The following CNKSR2 variants were observed in gnomAD, a reference collection of about 807,000 sequenced individuals.
CNKSR2 encodes the protein connector enhancer of kinase suppressor of Ras 2.
In CNKSR2, 14 loss-of-function variants were observed where a neutral mutation model predicts 84.4. The ratio of observed to expected loss-of-function variants is 0.17; its 90% CI spans 0.11 to 0.26. The LOEUF is 0.26. Ranked by LOEUF, CNKSR2 falls within the 10% of genes least tolerant of loss-of-function variation. CNKSR2 has a pLI of 1.00. For missense variants in CNKSR2, 485 were observed against 771.2 expected (o/e 0.63, Z 4.40); for synonymous variants, 275 against 277.9 (o/e 0.99, Z 0.10).
At chrX:21,485,750 T>C (rs1451974638) in intron 5 of CNKSR2, among the ~76,000 whole-genome samples, 1 of 112,159 alleles carries the variant, frequency 8.9e-6, no homozygotes, top group African/African-American at 3.2e-5. Flanking sequence ...TCATGTTCTC[T>C]GTAGCTTTTT....
intron 2 of CNKSR2, chrX:21,429,131 A>C (rs759960332): frequency 1.8e-5 from 2 of 112,189 alleles, no homozygotes; most frequent in Non-Finnish European, 3.8e-5. Flanking sequence ...TTTTGCATGC[A>C]TATGATTGAA....
intron 20 of CNKSR2, among the ~76,000 whole-genome samples, chrX:21,630,937 C>T (rs1020444062): frequency 7.2e-5 from 8 of 111,154 alleles, no homozygotes; most frequent in African/African-American, 1.3e-4. Context: ...AACAGTGAAA[C>T]GAGTCCACCA....
At chrX:21,470,853 CT>C in intron 5 of CNKSR2, 46 bp downstream of exon 5, 1 of 722,261 alleles carries the variant, frequency 1.4e-6, no homozygotes, top group Non-Finnish European at 2.0e-6. Flanking sequence ...AGGATATTTC[CT>C]TGTTCAACTA....
chrX:21,392,312 C>T (rs1047882726), intron 1 of CNKSR2, among the ~76,000 whole-genome samples: 5 of 111,597 alleles, frequency 4.5e-5, no homozygotes, highest in East Asian at 2.8e-4. Context: ...TGTGTTAGTC[C>T]GTTCTCACGT....
At chrX:21,479,536 A>C (rs947225411) in intron 5 of CNKSR2, among the ~76,000 whole-genome samples, 1 of 111,653 alleles carries the variant, frequency 9.0e-6, no homozygotes, top group African/African-American at 3.3e-5. Flanking sequence ...GTCTGGAAAC[A>C]GAAGCCACAC....
chrX:21,431,688 T>C (rs2090635700), intron 2 of CNKSR2, among the ~76,000 whole-genome samples: 1 of 112,114 alleles, frequency 8.9e-6, no homozygotes, highest in South Asian at 3.7e-4. Flanking sequence ...CACAATTAGC[T>C]GCTTTACATT....
At chrX:21,587,847 G>A (rs997343588) in intron 13 of CNKSR2, among the ~76,000 whole-genome samples, 2 of 111,898 alleles carry the variant, frequency 1.8e-5, no homozygotes, top group Admixed American at 1.9e-4. Flanking sequence ...TACATGTTCA[G>A]TGATTTGCTA....
intron 8 of CNKSR2, chrX:21,506,400 AGTG>A (rs1302894710): frequency 9.0e-6 from 1 of 111,497 alleles, no homozygotes; most frequent in African/African-American, 3.3e-5. Flanking sequence ...TACCTTATGT[AGTG>A]GTTTATGAGA....
chrX:21,642,163 C>T (rs759599190), intron 20 of CNKSR2: 1 of 744,402 alleles, frequency 1.3e-6, no homozygotes, highest in South Asian at 6.9e-5. Flanking sequence ...AAGGTATACA[C>T]AATTTGCTTT....
At chrX:21,401,121 C>A (rs756058247) in intron 1 of CNKSR2, among the ~76,000 whole-genome samples, 1 of 110,701 alleles carries the variant, frequency 9.0e-6, no homozygotes, top group South Asian at 3.8e-4. Context: ...AATAGGATTT[C>A]TATTATAAGC....
chrX:21,553,114 A>G (rs964933735), intron 11 of CNKSR2, among the ~76,000 whole-genome samples: 1 of 111,865 alleles, frequency 8.9e-6, no homozygotes, highest in African/African-American at 3.2e-5. Flanking sequence ...ACATAGCCTT[A>G]GTATTTTGCA....
intron 1 of CNKSR2, among the ~76,000 whole-genome samples, chrX:21,422,738 G>T (rs761845374): frequency 9.0e-6 from 1 of 111,364 alleles, no homozygotes; most frequent in African/African-American, 3.3e-5. Flanking sequence ...TGACTTTAGT[G>T]TCAAAAATGG....
At chrX:21,411,637 T>A (rs957215530) in intron 1 of CNKSR2, among the ~76,000 whole-genome samples, 1 of 110,823 alleles carries the variant, frequency 9.0e-6, no homozygotes, top group Admixed American at 9.6e-5. Context: ...CTTTCCTCCC[T>A]CTTTGGCTAG....
chrX:21,384,107 T>C (rs2089936516), intron 1 of CNKSR2, among the ~76,000 whole-genome samples: 1 of 112,047 alleles, frequency 8.9e-6, no homozygotes. Context: ...ATTAAATACA[T>C]ATAACAGAGA....
chrX:21,488,086 C>T (rs1288142105), intron 5 of CNKSR2, among the ~76,000 whole-genome samples: 1 of 111,876 alleles, frequency 8.9e-6, no homozygotes, highest in African/African-American at 3.2e-5. Context: ...AGCATTGAGA[C>T]CTGAGCGTCA....
intron 13 of CNKSR2, among the ~76,000 whole-genome samples, chrX:21,564,027 T>G (rs753062918): frequency 9.1e-6 from 1 of 110,430 alleles, no homozygotes; most frequent in Non-Finnish European, 1.9e-5. Flanking sequence ...TGGGGAGCAT[T>G]TGAATGGAGA....
chrX:21,514,537 A>C (rs935003017), intron 8 of CNKSR2, among the ~76,000 whole-genome samples: 6 of 111,818 alleles, frequency 5.4e-5, no homozygotes, highest in African/African-American at 1.9e-4. Flanking sequence ...GAAAGTGTGA[A>C]AGAATAGGAT....
intron 13 of CNKSR2, among the ~76,000 whole-genome samples, chrX:21,582,291 G>T (rs763361939): frequency 6.1e-4 from 68 of 112,032 alleles, no homozygotes; most frequent in African/African-American, 2.1e-3. Flanking sequence ...GATGTTATTG[G>T]TTTGAATTAT....
intron 4 of CNKSR2, among the ~76,000 whole-genome samples, chrX:21,447,652 C>T (rs2147098386): frequency 9.0e-6 from 1 of 111,623 alleles, no homozygotes; most frequent in South Asian, 3.8e-4. Context: ...TTTTAAAGAA[C>T]CAAGCCAACA....
Sources: allele counts gnomAD v4.1 joint callset (sites outside exome capture counted in the v4.1 genomes callset), GRCh38; gene constraint gnomAD v4.1.1; transcripts MANE v1.5; gene names NCBI Gene and HGNC (gene_info 2026-07-23, HGNC 2026-07-21).